Variants in ARHGAP24 observed in about 807,000 individuals in gnomAD.
ARHGAP24 encodes Rho GTPase activating protein 24.
Under a neutral mutation model 76.4 loss-of-function variants are expected in ARHGAP24, and 50 were observed. That is an observed-to-expected ratio of 0.65 (90% CI 0.52 to 0.83). ARHGAP24 has a LOEUF of 0.83. Among genes scored for constraint, ARHGAP24 ranks in the 40% least tolerant of loss-of-function variants. The pLI, the probability that ARHGAP24 is intolerant of heterozygous loss-of-function variation, is 0.00. For missense variants in ARHGAP24, 930 were observed against 914.2 expected (o/e 1.02, Z -0.22); for synonymous variants, 345 against 323.3 (o/e 1.07, Z -0.72).
At chr4:85,596,175 G>C (rs1275929059) in intron 2 of ARHGAP24, among the ~76,000 whole-genome samples, 1 of 151,892 alleles carries the variant, frequency 6.6e-6, no homozygotes, top group Non-Finnish European at 1.5e-5. Context: ...ATAATGCTTG[G>C]AAATGTGCTT....
At chr4:85,796,675 T>C (rs972435397) in intron 3 of ARHGAP24, among the ~76,000 whole-genome samples, 2 of 152,082 alleles carry the variant, frequency 1.3e-5, no homozygotes, top group Admixed American at 1.3e-4. Context: ...AAAAGTACTC[T>C]AAAGAATATA....
chr4:85,563,831 C>G (rs76902706), intron 1 of ARHGAP24, among the ~76,000 whole-genome samples: 1 of 152,106 alleles, frequency 6.6e-6, no homozygotes, highest in African/African-American at 2.4e-5. Context: ...GAGCTGAACA[C>G]ATTAAATCAA....
At chr4:85,907,207 T>C (rs1227384287) in intron 3 of ARHGAP24, among the ~76,000 whole-genome samples, 1 of 152,196 alleles carries the variant, frequency 6.6e-6, no homozygotes, top group African/African-American at 2.4e-5. Flanking sequence ...AATATGTTTC[T>C]AGGTTCCAAG....
At chr4:85,894,205 G>T (rs1734008893) in intron 3 of ARHGAP24, among the ~76,000 whole-genome samples, 1 of 150,872 alleles carries the variant, frequency 6.6e-6, no homozygotes, top group Non-Finnish European at 1.5e-5. Flanking sequence ...AGTTAATATA[G>T]TACATCTGGA....
intron 3 of ARHGAP24, among the ~76,000 whole-genome samples, chr4:85,883,911 T>C (rs1403315848): frequency 6.6e-6 from 1 of 152,184 alleles, no homozygotes; most frequent in East Asian, 1.9e-4. Context: ...AAAAGCACAC[T>C]GGTCCTCAAT....
intron 3 of ARHGAP24, among the ~76,000 whole-genome samples, chr4:85,848,352 G>A (rs1417611606): frequency 2.0e-5 from 3 of 152,112 alleles, no homozygotes; most frequent in Admixed American, 6.5e-5. Context: ...CCCCATGACA[G>A]GCCCTGGTGT....
At chr4:85,626,348 A>G (rs1720952922) in intron 2 of ARHGAP24, among the ~76,000 whole-genome samples, 1 of 152,184 alleles carries the variant, frequency 6.6e-6, no homozygotes, top group South Asian at 2.1e-4. Flanking sequence ...TTGGCTGGAT[A>G]TGAAATTCTG....
intron 3 of ARHGAP24, among the ~76,000 whole-genome samples, chr4:85,734,330 CTAGCCT>C (rs1725523579): frequency 6.6e-6 from 1 of 152,104 alleles, no homozygotes. Flanking sequence ...CATTGGACAT[CTAGCCT>C]TAGTGCTGTT....
At chr4:85,580,693 A>T (rs12501951) in intron 2 of ARHGAP24, among the ~76,000 whole-genome samples, 57,026 of 151,958 alleles carry the variant, frequency 0.38, 12,329 homozygotes, top group East Asian at 0.85. Context: ...TCTCTCCAGT[A>T]GCCAGTGACT....
chr4:85,569,441 C>T (rs529631674), intron 1 of ARHGAP24, among the ~76,000 whole-genome samples: 9 of 152,294 alleles, frequency 5.9e-5, no homozygotes, highest in Admixed American at 4.6e-4. Context: ...CCTGGCTCCC[C>T]CAGAATGTCC....
chr4:85,779,266 A>T (rs1221628657), intron 3 of ARHGAP24, among the ~76,000 whole-genome samples: 1 of 152,034 alleles, frequency 6.6e-6, no homozygotes, highest in African/African-American at 2.4e-5. Flanking sequence ...TTTGTGTTTT[A>T]TTGCTTGTGT....
chr4:85,895,919 T>C (rs1434595574), intron 3 of ARHGAP24, among the ~76,000 whole-genome samples: 1 of 152,244 alleles, frequency 6.6e-6, no homozygotes, highest in East Asian at 1.9e-4. Context: ...AGGTCATTTC[T>C]CTGTTTCAGA....
At chr4:85,795,225 T>C (rs1728294988) in intron 3 of ARHGAP24, among the ~76,000 whole-genome samples, 1 of 152,206 alleles carries the variant, frequency 6.6e-6, no homozygotes, top group South Asian at 2.1e-4. Flanking sequence ...AGTTCATACA[T>C]AGGAATTAAT....
At chr4:85,539,959 C>T (rs1032122106) in intron 1 of ARHGAP24, among the ~76,000 whole-genome samples, 5 of 151,948 alleles carry the variant, frequency 3.3e-5, no homozygotes, top group African/African-American at 7.3e-5. Context: ...GCAGGAGAAT[C>T]GCTTGAACCC....
At chr4:85,689,798 A>C (rs906914190) in intron 2 of ARHGAP24, among the ~76,000 whole-genome samples, 2 of 152,168 alleles carry the variant, frequency 1.3e-5, no homozygotes, top group Non-Finnish European at 2.9e-5. Context: ...ATAGAATCAC[A>C]CAGTCCTCAA....
chr4:85,727,080 C>A (rs13127367), intron 3 of ARHGAP24, among the ~76,000 whole-genome samples: 1 of 151,686 alleles, frequency 6.6e-6, no homozygotes, highest in African/African-American at 2.4e-5. Flanking sequence ...ATTAGCTGGG[C>A]GTGTTGGTGG....
At chr4:85,938,743 T>A (rs939110964) in intron 4 of ARHGAP24, among the ~76,000 whole-genome samples, 1 of 152,188 alleles carries the variant, frequency 6.6e-6, no homozygotes, top group Non-Finnish European at 1.5e-5. Context: ...TATATTATAC[T>A]GCTGTATTAA....
At chr4:85,498,137 A>T (rs1723653154) in intron 1 of ARHGAP24, among the ~76,000 whole-genome samples, 2 of 152,240 alleles carry the variant, frequency 1.3e-5, no homozygotes, top group Non-Finnish European at 2.9e-5. Flanking sequence ...TTGTGAGGAA[A>T]CAAAATACTT....
At chr4:85,655,594 C>T (rs904732525) in intron 2 of ARHGAP24, among the ~76,000 whole-genome samples, 5 of 151,388 alleles carry the variant, frequency 3.3e-5, no homozygotes, top group Admixed American at 6.6e-5. Flanking sequence ...CCAGACTGGC[C>T]AACATGGTGA....
Sources: allele counts gnomAD v4.1 joint callset (sites outside exome capture counted in the v4.1 genomes callset), GRCh38; gene constraint gnomAD v4.1.1; transcripts MANE v1.5; gene names NCBI Gene and HGNC (gene_info 2026-07-23, HGNC 2026-07-21).